Variants in ROBO2 observed in about 807,000 individuals in gnomAD.
ROBO2 encodes the protein roundabout guidance receptor 2.
In ROBO2, 53 loss-of-function variants were observed where a neutral mutation model predicts 160.8. That is an observed-to-expected ratio of 0.33 (90% CI 0.26 to 0.41). ROBO2 has a LOEUF of 0.41. Among genes scored for constraint, ROBO2 ranks in the 10% least tolerant of loss-of-function variants. The pLI is 1.00. For missense variants in ROBO2, 1,577 were observed against 1,722.4 expected (o/e 0.92, Z 1.49); for synonymous variants, 664 against 611.7 (o/e 1.09, Z -1.26).
At chr3:76,472,113 G>GCA (rs1234393412) in intron 2 of ROBO2, among the ~76,000 whole-genome samples, 10 of 77,372 alleles carry the variant, frequency 1.3e-4, no homozygotes, top group African/African-American at 3.5e-4. Context: ...GCGTGTGCGT[G>GCA]CGCATGTGTA....
intron 2 of ROBO2, among the ~76,000 whole-genome samples, chr3:76,508,400 G>GA (rs899736938): frequency 2.0e-5 from 3 of 151,602 alleles, no homozygotes; most frequent in East Asian, 1.9e-4. Flanking sequence ...AGGCTGTTGT[G>GA]AAAAAAAATA....
intron 6 of ROBO2, among the ~76,000 whole-genome samples, chr3:77,529,176 A>C (rs1469756487): frequency 6.6e-6 from 1 of 151,016 alleles, no homozygotes; most frequent in African/African-American, 2.4e-5. Context: ...AATTATATAC[A>C]ACAATGATAT....
intron 2 of ROBO2, among the ~76,000 whole-genome samples, chr3:77,415,122 A>G (rs1173275477): frequency 6.6e-6 from 1 of 152,200 alleles, no homozygotes; most frequent in Non-Finnish European, 1.5e-5. Flanking sequence ...CATTACTGTA[A>G]TTAGTGTCAG....
At chr3:77,607,871 C>T (rs760493561) in exon 21 of ROBO2, 1 of 1,613,778 alleles carries the variant, frequency 6.2e-7, no homozygotes, top group Non-Finnish European at 8.5e-7. Flanking sequence ...CCACTTGGGC[C>T]AATGTCCCTC....
intron 2 of ROBO2, among the ~76,000 whole-genome samples, chr3:76,251,519 T>C (rs1330717963): frequency 6.6e-6 from 1 of 152,160 alleles, no homozygotes; most frequent in Non-Finnish European, 1.5e-5. Context: ...TCAATTTCTG[T>C]ACCGGATCAT....
At chr3:76,116,486 T>G (rs184049817) in intron 2 of ROBO2, among the ~76,000 whole-genome samples, 1 of 152,240 alleles carries the variant, frequency 6.6e-6, no homozygotes, top group African/African-American at 2.4e-5. Context: ...ATTTTGCTAG[T>G]GTAGATGTAG....
intron 2 of ROBO2, among the ~76,000 whole-genome samples, chr3:76,493,345 A>G (rs1054310708): frequency 2.1e-5 from 3 of 140,538 alleles, no homozygotes; most frequent in African/African-American, 7.8e-5. Flanking sequence ...AATTATATAT[A>G]TATATATATA....
intron 2 of ROBO2, among the ~76,000 whole-genome samples, chr3:76,865,004 C>A (rs77712383): frequency 1.7e-4 from 26 of 152,066 alleles, no homozygotes; most frequent in South Asian, 6.2e-4. Flanking sequence ...TCTGTCAGCA[C>A]GGCAGAAAAT....
At chr3:76,910,115 G>T (rs1374057132) in intron 2 of ROBO2, among the ~76,000 whole-genome samples, 1 of 152,058 alleles carries the variant, frequency 6.6e-6, no homozygotes, top group Non-Finnish European at 1.5e-5. Flanking sequence ...AGGTCAAAGT[G>T]GTTGGTACAA....
intron 2 of ROBO2, among the ~76,000 whole-genome samples, chr3:77,279,260 T>G (rs2060091572): frequency 6.6e-6 from 1 of 152,106 alleles, no homozygotes; most frequent in South Asian, 2.1e-4. Context: ...GACCATAAAT[T>G]TTTTTAACTC....
chr3:76,895,454 T>C (rs2074693740), intron 2 of ROBO2, among the ~76,000 whole-genome samples: 1 of 152,062 alleles, frequency 6.6e-6, no homozygotes, highest in African/African-American at 2.4e-5. Context: ...AAATTATATA[T>C]TCATTCATTA....
At chr3:77,263,468 A>G (rs2058911169) in intron 2 of ROBO2, among the ~76,000 whole-genome samples, 1 of 152,164 alleles carries the variant, frequency 6.6e-6, no homozygotes, top group African/African-American at 2.4e-5. Flanking sequence ...ATGGGTCCAT[A>G]TCATTTAGCT....
intron 2 of ROBO2, among the ~76,000 whole-genome samples, chr3:76,391,290 C>T (rs1428681272): frequency 1.3e-5 from 2 of 152,030 alleles, no homozygotes; most frequent in Admixed American, 6.6e-5. Flanking sequence ...TCGTATTTTG[C>T]TAAAAATGGT....
intron 2 of ROBO2, among the ~76,000 whole-genome samples, chr3:76,752,355 G>T (rs1372501884): frequency 2.0e-5 from 3 of 151,536 alleles, no homozygotes; most frequent in Admixed American, 2.0e-4. Context: ...GAGTTAGTGG[G>T]TGCAGCACAC....
At chr3:77,347,924 A>G (rs570429226) in intron 2 of ROBO2, among the ~76,000 whole-genome samples, 1 of 152,042 alleles carries the variant, frequency 6.6e-6, no homozygotes, top group Non-Finnish European at 1.5e-5. Context: ...TGATCTCATC[A>G]TTTCTCATGG....
rs2095188757 is a variant in ROBO2 at position 77,632,638 on chromosome 3, A to C, written c.3761-2232A>C. The C allele has an allele frequency of 3.3e-6, 5 of 1,535,096 alleles. No individual in the cohort carries two copies. The East Asian group carries it at 9.8e-5, about 30-fold the overall frequency. ...TAAAGCTGGTTTTAGGCTGGATGGA[A>C]CCAGCCTTACAAGAACAGGTTGGTA... is the stretch of plus-strand genomic sequence containing the variant. On this transcript the variant is annotated intron_variant, in intron 23 of 25. Transcript: ENST00000461745.
intron 1 of ROBO2, among the ~76,000 whole-genome samples, chr3:75,913,873 A>G (rs1454126181): frequency 1.3e-5 from 2 of 152,154 alleles, no homozygotes; most frequent in Non-Finnish European, 2.9e-5. Flanking sequence ...GCAGTTCACA[A>G]ACATTCGTTG....
intron 2 of ROBO2, among the ~76,000 whole-genome samples, chr3:77,275,618 C>T (rs1180071468): frequency 6.6e-6 from 1 of 152,160 alleles, no homozygotes; most frequent in Non-Finnish European, 1.5e-5. Flanking sequence ...TCTACATTCT[C>T]TTTTCTTTAT....
At chr3:77,204,399 TTGATAGA>T (rs2083215456) in intron 2 of ROBO2, among the ~76,000 whole-genome samples, 1 of 152,228 alleles carries the variant, frequency 6.6e-6, no homozygotes, top group Non-Finnish European at 1.5e-5. Flanking sequence ...TGATGCTTAA[TTGATAGA>T]TGATAAAGAA....
Sources: allele counts gnomAD v4.1 joint callset (sites outside exome capture counted in the v4.1 genomes callset), GRCh38; gene constraint gnomAD v4.1.1; transcripts MANE v1.5; gene names NCBI Gene and HGNC (gene_info 2026-07-23, HGNC 2026-07-21).